Variants in ARHGAP35 observed in about 807,000 individuals in gnomAD.
ARHGAP35 encodes Rho GTPase activating protein 35, also known as rho GTPase-activating protein 35.
ARHGAP35 carries 15 observed loss-of-function variants against 111.1 expected under a neutral mutation model. The observed-to-expected ratio is 0.13, with a 90% CI of 0.09 to 0.21. The LOEUF is 0.21. Ranked by LOEUF, ARHGAP35 falls within the 10% of genes least tolerant of loss-of-function variation. ARHGAP35 has a pLI of 1.00. For synonymous variants in ARHGAP35, 643 were observed against 710.3 expected, an observed-to-expected ratio of 0.91 and a Z score of 1.51; for missense variants, 1,262 against 1,873.0, an observed-to-expected ratio of 0.67 and a Z score of 6.02.
chr19:46,937,030 C>T (rs534365092), intron 2 of ARHGAP35, among the ~76,000 whole-genome samples: 12 of 151,800 alleles, frequency 7.9e-5, no homozygotes, highest in Non-Finnish European at 1.6e-4. Context: ...AGTAGAGACA[C>T]GGTTTCACCA....
intron 1 of ARHGAP35, among the ~76,000 whole-genome samples, chr19:46,863,357 C>T (rs777243995): frequency 1.3e-5 from 2 of 152,184 alleles, no homozygotes; most frequent in Non-Finnish European, 2.9e-5. Flanking sequence ...ATTGTTACTA[C>T]TCTCTGGAGT....
intron 1 of ARHGAP35, among the ~76,000 whole-genome samples, chr19:46,869,138 C>T (rs891804814): frequency 1.3e-5 from 2 of 152,000 alleles, no homozygotes; most frequent in African/African-American, 4.8e-5. Context: ...AACTCCTGAC[C>T]TCATGTGATC....
At chr19:46,883,169 A>T (rs2055971940) in intron 1 of ARHGAP35, among the ~76,000 whole-genome samples, 1 of 151,536 alleles carries the variant, frequency 6.6e-6, no homozygotes, top group Non-Finnish European at 1.5e-5. Flanking sequence ...ATCTCGGCTC[A>T]CTGCAACCTC....
rs1322529919 is a variant in ARHGAP35, at chr19:46,923,709, A to G, written c.3681+1353A>G. On this transcript the variant is annotated intron_variant, in intron 2 of 6. Coordinates refer to ENST00000672722, the MANE Select transcript of ARHGAP35 (RefSeq NM_004491.5). ...CGAGGCGGGTGGATCTCTTGAGGTCAGGAGTTTGAGACCAGCCTGGCCAAC... is the reference window on the plus strand; with the variant it reads ...CGAGGCGGGTGGATCTCTTGAGGTCGGGAGTTTGAGACCAGCCTGGCCAAC... Among the ~76,000 whole-genome samples the G allele has an allele frequency of 2.6e-5, 4 of 151,872 alleles. No homozygotes were observed. In the East Asian group the frequency reaches 7.8e-4, roughly 30 times the overall value.
At chr19:46,934,499 C>G (rs971148195) in intron 2 of ARHGAP35, among the ~76,000 whole-genome samples, 7 of 152,260 alleles carry the variant, frequency 4.6e-5, no homozygotes, top group Non-Finnish European at 8.8e-5. Context: ...TCCTGAGTAG[C>G]TGGGATTACA....
In ARHGAP35 at chr19:46,987,973, G is replaced by C; in HGVS notation, c.3827-16G>C. 1 of 1,613,096 alleles carries C rather than the reference G, an allele frequency of 6.2e-7. No individual in the cohort carries two copies. Among genetic ancestry groups the C allele is most frequent in the Non-Finnish European group, 8.5e-7 (1 of 1,179,476 alleles). On this transcript the variant is annotated splice_polypyrimidine_tract_variant and intron_variant, in intron 3 of 6. Transcript: ENST00000672722. ...CTCCAGTTCCTGCTCCTAAGACCCT[G>C]CCTGTTTCTCCTCAGGACTGAGCAC...
intron 1 of ARHGAP35, among the ~76,000 whole-genome samples, chr19:46,869,297 T>C (rs2055875088): frequency 1.3e-5 from 2 of 150,456 alleles, no homozygotes; most frequent in Middle Eastern, 6.8e-3. Context: ...TCCTGAGGTG[T>C]ATATATATAG....
chr19:46,927,066 C>T (rs551477332), intron 2 of ARHGAP35, among the ~76,000 whole-genome samples: 2 of 152,326 alleles, frequency 1.3e-5, no homozygotes, highest in South Asian at 2.1e-4. Flanking sequence ...AGACCAAATA[C>T]ATAACTTGGT....
rs895979292 is a variant in ARHGAP35 at position 46,999,923 on chromosome 19, TGTTCCC to T, written c.4143-407_4143-402del. The T allele has an allele frequency of 1.0e-4, 24 of 232,290 alleles. No homozygotes were observed. Among genetic ancestry groups the T allele is most frequent in the Non-Finnish European group, 1.8e-4 (22 of 119,532 alleles). The allele number at this position is 232,290 out of a possible 1,614,324, so 14.4% of individuals were successfully genotyped here. ...AGCCGCAGGCGGGAGGCCGTATGGT[TGTTCCC>T]TGAAGTTCCATGTGTGTGGAGGAGA... On this transcript the variant is annotated intron_variant, in intron 6 of 6. Coordinates refer to ENST00000672722, the MANE Select transcript of ARHGAP35 (RefSeq NM_004491.5). The surrounding 1 kb of genome is among the most constrained non-coding windows in gnomAD (Gnocchi z 5.4).
In ARHGAP35 at chr19:46,994,724, G is replaced by C. The variant is rs561141884; in HGVS notation, c.4037-4580G>C. Among the ~76,000 whole-genome samples the C allele has an allele frequency of 6.6e-6, 1 of 152,246 alleles. No individual in the cohort carries two copies. The highest frequency in any genetic ancestry group is 2.4e-5 in the African/African-American group (1 of 41,538). ...TTTCCACTAGACCGTAAGCGGCAGGGAATTTGGTTTTTGTCCCCTACTGCA... is the reference window on the plus strand; with the variant it reads ...TTTCCACTAGACCGTAAGCGGCAGGCAATTTGGTTTTTGTCCCCTACTGCA... On this transcript the variant is annotated intron_variant, in intron 5 of 6. Transcript: ENST00000672722. The surrounding 1 kb of genome is among the most constrained non-coding windows in gnomAD (Gnocchi z 5.4).
At chr19:46,960,533 A>G (rs2056474282) in intron 3 of ARHGAP35, among the ~76,000 whole-genome samples, 1 of 152,198 alleles carries the variant, frequency 6.6e-6, no homozygotes, top group African/African-American at 2.4e-5. Context: ...GGAGAAAAAA[A>G]TAGGGCTTTT....
At chr19:46,952,583 A>G (rs916189698) in intron 3 of ARHGAP35, among the ~76,000 whole-genome samples, 1 of 152,258 alleles carries the variant, frequency 6.6e-6, no homozygotes, top group South Asian at 2.1e-4. Flanking sequence ...ACTCTTTCAC[A>G]TTGCTGAGCC....
intron 3 of ARHGAP35, among the ~76,000 whole-genome samples, chr19:46,983,840 C>G (rs1048612930): frequency 6.6e-6 from 1 of 152,046 alleles, no homozygotes; most frequent in East Asian, 1.9e-4. Context: ...TGGACTCGAT[C>G]TCCTGACCTC....
chr19:46,991,403 AC>A (rs1165810324), intron 5 of ARHGAP35, among the ~76,000 whole-genome samples: 1 of 152,138 alleles, frequency 6.6e-6, no homozygotes, highest in Non-Finnish European at 1.5e-5. Flanking sequence ...CTGACACAGC[AC>A]CTTTTTGTGT....
At chr19:46,998,848 C>T (rs2056730195) in intron 5 of ARHGAP35, among the ~76,000 whole-genome samples, 1 of 152,248 alleles carries the variant, frequency 6.6e-6, no homozygotes, top group South Asian at 2.1e-4. Context: ...AGGAAAAGGA[C>T]AGAGCCTTGG....
In ARHGAP35 at chr19:46,925,897, G is replaced by C. The variant is rs555429682; in HGVS notation, c.3681+3541G>C. On this transcript the variant is annotated intron_variant, in intron 2 of 6. Coordinates refer to ENST00000672722, the MANE Select transcript of ARHGAP35 (RefSeq NM_004491.5). ...ATCATTTAACTAGACCCCAGAGAAT[G>C]AGTGGAACTAAAGCAGTGGCATGAG... 1.1e-4 allele frequency among the ~76,000 whole-genome samples: 17 copies of C among 152,314 alleles called. 1 individual carries two copies. In the South Asian group the frequency reaches 3.3e-3, roughly 30 times the overall value.
chr19:46,891,621 T>G (rs1239190024), intron 1 of ARHGAP35, among the ~76,000 whole-genome samples: 1 of 151,932 alleles, frequency 6.6e-6, no homozygotes, highest in Non-Finnish European at 1.5e-5. Flanking sequence ...GAGACGGAGT[T>G]TCACCATGTT....
intron 3 of ARHGAP35, among the ~76,000 whole-genome samples, chr19:46,967,362 G>C (rs1422398523): frequency 1.3e-5 from 2 of 152,112 alleles, no homozygotes; most frequent in African/African-American, 4.8e-5. Context: ...GTCCTCCATG[G>C]GGAGGGGGTC....
intron 1 of ARHGAP35, among the ~76,000 whole-genome samples, chr19:46,875,045 T>G (rs2055910427): frequency 6.6e-6 from 1 of 151,820 alleles, no homozygotes; most frequent in East Asian, 1.9e-4. Context: ...CTCCTGACCT[T>G]GTGATCTGCC....
Sources: allele counts gnomAD v4.1 joint callset (sites outside exome capture counted in the v4.1 genomes callset), GRCh38; gene constraint gnomAD v4.1.1; non-coding constraint Gnocchi (gnomAD v3.1); transcripts MANE v1.5; gene names NCBI Gene and HGNC (gene_info 2026-07-23, HGNC 2026-07-21).